TLCD4: variants seen among roughly 807,000 people sequenced by gnomAD.
The protein encoded by TLCD4 is TLC domain containing 4, also known as TLC domain-containing protein 4.
In TLCD4, 7 loss-of-function variants were observed where a neutral mutation model predicts 24.2. The observed-to-expected ratio is 0.29, with a 90% confidence interval of 0.16 to 0.54. The LOEUF (loss-of-function observed/expected upper bound fraction) is 0.54. Among genes scored for constraint, TLCD4 ranks in the 20% least tolerant of loss-of-function variants. The pLI, the probability that TLCD4 is intolerant of heterozygous loss-of-function variation, is 0.95. For synonymous variants in TLCD4, 103 were observed against 106.4 expected (o/e 0.97, Z 0.20); for missense variants, 259 against 313.9 (o/e 0.82, Z 1.32).
chr1:95,194,653 T>C lies in TLCD4; in HGVS notation c.*2785T>C, dbSNP rs1341570940. The C allele has an allele frequency of 6.6e-6, 1 of 152,090 alleles. No individual in the cohort carries two copies. The highest frequency in any genetic ancestry group is 1.5e-5 in the Non-Finnish European group (1 of 67,988). 9.4% of individuals were successfully genotyped at this position (152,090 alleles called of 1,614,324 possible). A position where few individuals can be genotyped will look rare whatever the true frequency, so the allele number is the denominator to read the frequency against. On this transcript the variant is annotated 3_prime_UTR_variant, in exon 7 of 7. Coordinates refer to ENST00000370203, the MANE Select transcript of TLCD4 (RefSeq NM_152487.3). ...AAGATAACCTGTAATTATAAAGATGTTTTTTGAATGTGTAGTATCCTAGAA... is the reference window on the plus strand; with the variant it reads ...AAGATAACCTGTAATTATAAAGATGCTTTTTGAATGTGTAGTATCCTAGAA...
At chr1:95,123,955 C>T (rs1676641766) in intron 1 of TLCD4, among the ~76,000 whole-genome samples, 2 of 152,178 alleles carry the variant, frequency 1.3e-5, no homozygotes, top group Admixed American at 1.3e-4. Flanking sequence ...TCAACATTTA[C>T]ATATTCTGCT....
the TLCD4 span, among the ~76,000 whole-genome samples, chr1:95,109,411 C>T: frequency 7.1e-6 from 1 of 139,914 alleles, no homozygotes; most frequent in East Asian, 2.1e-4. Context: ...CTCTCCAAAA[C>T]CTGGTCTGAT....
the TLCD4 span, among the ~76,000 whole-genome samples, chr1:95,105,556 T>A: frequency 1.3e-5 from 2 of 152,162 alleles, no homozygotes; most frequent in East Asian, 3.9e-4. Context: ...ATTCAGAAAA[T>A]ATTTATTTAT....
At chr1:95,119,046 C>T (rs1676505446) in intron 1 of TLCD4, among the ~76,000 whole-genome samples, 1 of 152,128 alleles carries the variant, frequency 6.6e-6, no homozygotes, top group Non-Finnish European at 1.5e-5. Context: ...AGGCTGGATG[C>T]CTCTGACCCA....
In TLCD4 at chr1:95,128,693, C is replaced by A. The variant is rs564879641; in HGVS notation, c.-12+11076C>A. Among the ~76,000 whole-genome samples the A allele has an allele frequency of 2.0e-4, 30 of 152,108 alleles. No individual in the cohort carries two copies. The South Asian group carries it at 6.0e-3, about 31-fold the overall frequency. On this transcript the variant is annotated intron_variant, in intron 1 of 6. Transcript: ENST00000370203. ...TATCAACAGAACTCTTTTGCTCCCG[C>A]AAAACAAACTATAGAAATTCCTACA...
chr1:95,126,524 G>C (rs1445315782), intron 1 of TLCD4, among the ~76,000 whole-genome samples: 2 of 152,076 alleles, frequency 1.3e-5, no homozygotes, highest in Middle Eastern at 3.4e-3. Context: ...ATAGACCCTA[G>C]TAGCTTGAAA....
intron 1 of TLCD4, among the ~76,000 whole-genome samples, chr1:95,131,908 G>A (rs1321525762): frequency 6.6e-6 from 1 of 152,184 alleles, no homozygotes; most frequent in Non-Finnish European, 1.5e-5. Flanking sequence ...TCCCTCATGA[G>A]TGGCTTGGTG....
intron 1 of TLCD4, among the ~76,000 whole-genome samples, chr1:95,135,088 T>A (rs1677007053): frequency 6.6e-6 from 1 of 152,232 alleles, no homozygotes; most frequent in Non-Finnish European, 1.5e-5. Flanking sequence ...ACTTAACATT[T>A]CCTTCCCTGT....
intron 1 of TLCD4, among the ~76,000 whole-genome samples, chr1:95,141,833 A>ACACACACAC (rs1557682576): frequency 2.5e-4 from 37 of 149,856 alleles, no homozygotes; most frequent in South Asian, 4.3e-4. Context: ...ACACACACAC[A>ACACACACAC]AAGAATGAGG....
At chr1:95,166,382 A>G (rs886537676) in intron 5 of TLCD4, among the ~76,000 whole-genome samples, 1 of 152,246 alleles carries the variant, frequency 6.6e-6, no homozygotes, top group African/African-American at 2.4e-5. Flanking sequence ...AAAGCTGACA[A>G]AAACCATAGG....
intron 6 of TLCD4, among the ~76,000 whole-genome samples, chr1:95,176,450 C>T (rs908251923): frequency 6.6e-6 from 1 of 152,158 alleles, no homozygotes; most frequent in Non-Finnish European, 1.5e-5. Flanking sequence ...CTCGGCCTCC[C>T]AAAGTACTGG....
At chr1:95,153,305 CAT>C (rs1256466222) in intron 5 of TLCD4, among the ~76,000 whole-genome samples, 2 of 151,880 alleles carry the variant, frequency 1.3e-5, no homozygotes, top group African/African-American at 4.8e-5. Context: ...AATTTTATGT[CAT>C]ATATATTTTG....
chr1:95,134,485 A>G (rs934991624), intron 1 of TLCD4, among the ~76,000 whole-genome samples: 1 of 152,178 alleles, frequency 6.6e-6, no homozygotes, highest in African/African-American at 2.4e-5. Flanking sequence ...AGAGGGTTGC[A>G]GGAGAAGAGG....
chr1:95,094,971 A>G, the TLCD4 span, among the ~76,000 whole-genome samples: 2 of 152,178 alleles, frequency 1.3e-5, no homozygotes, highest in Admixed American at 6.6e-5. Flanking sequence ...GTCAGACTAC[A>G]CGAGTTTAAA....
intron 6 of TLCD4, among the ~76,000 whole-genome samples, chr1:95,180,351 GA>G (rs1678590486): frequency 6.6e-6 from 1 of 152,114 alleles, no homozygotes; most frequent in Non-Finnish European, 1.5e-5. Context: ...TAAAAGCTTT[GA>G]ATCCTTCCTG....
rs1044982694 is a variant in TLCD4, at chr1:95,177,943, T to G, written c.473+4054T>G. ...CTGTCTTTTTTTCTTTTCTTTTTTT[T>G]TTTTTTTGTTTTTTTTTGTTTTTTG... On this transcript the variant is annotated intron_variant, in intron 6 of 6. Transcript: ENST00000370203. 3.1e-5 allele frequency among the ~76,000 whole-genome samples: 4 copies of G among 126,988 alleles called. No homozygotes were observed. In the South Asian group the frequency reaches 1.1e-3, roughly 36 times the overall value. 83.3% of individuals were successfully genotyped at this position (126,988 alleles called of 152,430 possible).
Position 95,191,928 on chromosome 1 carries a change from T to C in TLCD4, c.*60T>C. The C allele has an allele frequency of 1.3e-6, 2 of 1,544,262 alleles. No individual in the cohort carries two copies. Among genetic ancestry groups the C allele is most frequent in the Non-Finnish European group, 8.7e-7 (1 of 1,151,006 alleles). ...CCAGCATATCTGCTGATAGGATGAA[T>C]TCTTGGCATGTTCTTGTGTACCTTT... is the stretch of plus-strand genomic sequence containing the variant. On this transcript the variant is annotated 3_prime_UTR_variant, in exon 7 of 7. Transcript: ENST00000370203.
chr1:95,120,654 C>G (rs1250527106), intron 1 of TLCD4, among the ~76,000 whole-genome samples: 1 of 152,236 alleles, frequency 6.6e-6, no homozygotes, highest in Non-Finnish European at 1.5e-5. Flanking sequence ...GAGTCCCAGA[C>G]AGCGGGACCA....
intron 5 of TLCD4, chr1:95,163,634 G>A (rs998436284): frequency 5.9e-5 from 9 of 152,098 alleles, no homozygotes; most frequent in Admixed American, 3.3e-4. Flanking sequence ...CCATCTTTAT[G>A]GTTTTATCTA....
Sources: gnomAD v4.1 joint callset for allele counts (sites outside exome capture counted in the v4.1 genomes callset) on GRCh38, gnomAD v4.1.1 for gene constraint, MANE v1.5 for transcripts, NCBI Gene and HGNC (gene_info 2026-07-23, HGNC 2026-07-21) for gene names.